Variants in ZNF91 observed in about 807,000 individuals in gnomAD.
The protein encoded by ZNF91 is zinc finger protein 91 (HPF7, HTF10).
ZNF91 carries 7 observed loss-of-function variants against 12.6 expected under a neutral mutation model. That is an observed-to-expected ratio of 0.55 (90% CI 0.31 to 1.04). The LOEUF is 1.04. ZNF91 is among the 50% of genes least tolerant of loss of function. The probability of loss-of-function intolerance (pLI) is 0.05; values close to 1 mark genes in which losing one functional copy is unlikely to be tolerated. For synonymous variants in ZNF91, 453 were observed against 462.6 expected (o/e 0.98, Z 0.27); for missense variants, 1,217 against 1,385.4 (o/e 0.88, Z 1.93).
chr19:23,391,187 T>C (rs1806807448), intron 1 of ZNF91, among the ~76,000 whole-genome samples: 1 of 152,190 alleles, frequency 6.6e-6, no homozygotes, highest in Non-Finnish European at 1.5e-5. Context: ...TCTCTTTTCT[T>C]ACCTATCACA....
exon 4 of ZNF91, chr19:23,338,888 C>G (rs1968067551): frequency 6.6e-6 from 1 of 151,894 alleles, no homozygotes; most frequent in Admixed American, 6.6e-5. Flanking sequence ...CCCGTCTCTT[C>G]TGAAAATACA....
At chr19:23,335,579 G>A (rs560164666), downstream of ZNF91, among the ~76,000 whole-genome samples, 1 of 152,194 alleles carries the variant, frequency 6.6e-6, no homozygotes, top group Non-Finnish European at 1.5e-5. Context: ...TCGGACTGCT[G>A]TGCTAGCAGT....
Position 23,361,869 on chromosome 19 carries a change from TA to T in ZNF91, c.1109del (p.Ile370LysfsTer29). On this transcript the variant is annotated frameshift_variant, in exon 4 of 4. Coordinates refer to ENST00000300619, the MANE Select transcript of ZNF91 (RefSeq NM_003430.4). LOFTEE classifies it low-confidence loss of function (END_TRUNC). The stretch of plus-strand genomic sequence containing the variant: ...TGTAGGGTTTCTCTTCAGTATGAGT[TA>T]TCTTATGATTAGCAAGGGTTGAGGA... The part of the protein sequence containing the change: ...SNSSTLANHK[I>X]THTEEKPYKC... 6.2e-7 allele frequency: 1 copy of T among 1,613,168 alleles called. No individual in the cohort carries two copies. The highest frequency in any genetic ancestry group is 2.2e-5 in the East Asian group (1 of 44,828).
intron 1 of ZNF91, among the ~76,000 whole-genome samples, chr19:23,317,604 T>C (rs982019399): frequency 5.6e-4 from 86 of 152,256 alleles, no homozygotes; most frequent in East Asian, 5.8e-4. Context: ...CAATAAAGAT[T>C]GTCATACTGC....
chr19:23,383,613 A>G (rs528948910), intron 1 of ZNF91, among the ~76,000 whole-genome samples: 156 of 152,168 alleles, frequency 1.0e-3, no homozygotes, highest in African/African-American at 3.7e-3. Context: ...GCTTGAACCC[A>G]GAAGGCAGAG....
intron 1 of ZNF91, among the ~76,000 whole-genome samples, chr19:23,382,855 T>G (rs1969765515): frequency 6.6e-6 from 1 of 152,166 alleles, no homozygotes; most frequent in African/African-American, 2.4e-5. Context: ...AAAACTGAAC[T>G]GTAATAAATA....
intron 2 of ZNF91, among the ~76,000 whole-genome samples, chr19:23,374,113 C>G (rs1406638092): frequency 6.6e-6 from 1 of 151,966 alleles, no homozygotes; most frequent in Non-Finnish European, 1.5e-5. Context: ...GAAATTACCA[C>G]TAATCTAAAG....
upstream of ZNF91, among the ~76,000 whole-genome samples, chr19:23,314,117 T>C (rs1203361552): frequency 6.6e-6 from 1 of 152,198 alleles, no homozygotes; most frequent in Non-Finnish European, 1.5e-5. Flanking sequence ...TGTATGTTTT[T>C]TATTCTTTTG....
At position 23,349,285 on chromosome 19, in the gene ZNF91, C is replaced by G. The variant is rs553809674; in HGVS notation, c.254-10231G>C. 4.6e-5 allele frequency among the ~76,000 whole-genome samples: 7 copies of G among 152,228 alleles called. No individual in the cohort carries two copies. In the South Asian group the frequency reaches 1.5e-3, roughly 32 times the overall value. ...ACTTGTTGGTTTTGTGGCTTGGGGT[C>G]GCCATCATGGTCCTACCAATATGTG... On this transcript the variant is annotated intron_variant, in intron 3 of 3. Transcript: ENST00000599743.
intron 1 of ZNF91, among the ~76,000 whole-genome samples, chr19:23,393,536 C>G (rs566695580): frequency 6.6e-6 from 1 of 152,076 alleles, no homozygotes; most frequent in African/African-American, 2.4e-5. Flanking sequence ...AAAACCTGAC[C>G]CAAAAACATT....
chr19:23,373,379 T>TATATATAA (rs1372373793), intron 3 of ZNF91, among the ~76,000 whole-genome samples: 1 of 79,456 alleles, frequency 1.3e-5, no homozygotes, highest in African/African-American at 4.9e-5. Flanking sequence ...TATATATATA[T>TATATATAA]ATATATAAAT....
chr19:23,313,255 T>A (rs1967499500), upstream of ZNF91, among the ~76,000 whole-genome samples: 1 of 152,268 alleles, frequency 6.6e-6, no homozygotes, highest in African/African-American at 2.4e-5. Flanking sequence ...CCAGCCCACA[T>A]ACAGGATTGT....
At chr19:23,385,293 A>G in intron 1 of ZNF91, 1 of 481,920 alleles carries the variant, frequency 2.1e-6, no homozygotes, top group South Asian at 4.1e-5. Flanking sequence ...AAAATAAGTA[A>G]CAGGATGCGA....
intron 1 of ZNF91, among the ~76,000 whole-genome samples, chr19:23,375,062 A>G (rs1969456112): frequency 6.6e-6 from 1 of 152,352 alleles, no homozygotes; most frequent in East Asian, 1.9e-4. Flanking sequence ...TTATATTTAC[A>G]TAATACAGAA....
intron 1 of ZNF91, among the ~76,000 whole-genome samples, chr19:23,375,562 A>G (rs2145102196): frequency 6.6e-6 from 1 of 152,318 alleles, no homozygotes; most frequent in Middle Eastern, 3.4e-3. Context: ...GAATTTCTAA[A>G]AAGTTCACTA....
chr19:23,323,288 T>G (rs1411283317), intron 1 of ZNF91, among the ~76,000 whole-genome samples: 1 of 145,742 alleles, frequency 6.9e-6, no homozygotes, highest in Non-Finnish European at 1.5e-5. Flanking sequence ...TCTCTCCTCC[T>G]CCCCTCCTTC....
chr19:23,332,930 T>C (rs1967950365), intron 1 of ZNF91, among the ~76,000 whole-genome samples: 1 of 152,156 alleles, frequency 6.6e-6, no homozygotes, highest in Non-Finnish European at 1.5e-5. Context: ...ACAAAGCCTG[T>C]CAAGGATCAA....
intron 1 of ZNF91, chr19:23,385,352 C>T (rs777291705): frequency 1.1e-5 from 4 of 371,086 alleles, no homozygotes. Context: ...AAACTAACTG[C>T]AGTTGAACAG....
downstream of ZNF91, among the ~76,000 whole-genome samples, chr19:23,355,806 G>A (rs912675877): frequency 1.3e-5 from 2 of 151,774 alleles, no homozygotes; most frequent in African/African-American, 2.4e-5. Context: ...AAATCAGTAA[G>A]GAAAAAAACA....
Sources: allele counts gnomAD v4.1 joint callset (sites outside exome capture counted in the v4.1 genomes callset), GRCh38; gene constraint gnomAD v4.1.1; transcripts MANE v1.5; gene names NCBI Gene and HGNC (gene_info 2026-07-23, HGNC 2026-07-21).